Variants in PREP observed in about 807,000 individuals in gnomAD.
The protein encoded by PREP is dJ355L5.1 (prolyl endopeptidase).
A neutral mutation model predicts 87.6 loss-of-function variants in PREP; 29 were observed. The observed-to-expected ratio is 0.33, with a 90% CI of 0.25 to 0.45. The LOEUF (loss-of-function observed/expected upper bound fraction) is 0.45, where lower values mean the gene tolerates loss of function less well. Ranked by LOEUF, PREP falls within the 20% of genes least tolerant of loss-of-function variation. PREP has a pLI of 1.00. For synonymous variants in PREP, 337 were observed against 328.6 expected (o/e 1.03, Z -0.28); for missense variants, 695 against 886.5 (o/e 0.78, Z 2.74).
chr6:105,340,837 T>C (rs966023118), intron 7 of PREP, among the ~76,000 whole-genome samples: 2 of 152,274 alleles, frequency 1.3e-5, no homozygotes, highest in African/African-American at 2.4e-5. Flanking sequence ...CAAGAAGAGC[T>C]AACTATCCTA....
chr6:105,349,523 G>A (rs1350953587), intron 7 of PREP, among the ~76,000 whole-genome samples: 1 of 152,120 alleles, frequency 6.6e-6, no homozygotes, highest in African/African-American at 2.4e-5. Flanking sequence ...CACGTGGGCA[G>A]GTTTTCTTGG....
At chr6:105,352,225 G>A (rs908292063) in intron 7 of PREP, among the ~76,000 whole-genome samples, 1 of 152,176 alleles carries the variant, frequency 6.6e-6, no homozygotes, top group Non-Finnish European at 1.5e-5. Flanking sequence ...ATGTCTGATA[G>A]GATTTCTGGG....
intron 14 of PREP, chr6:105,281,522 C>T: frequency 2.2e-6 from 1 of 464,116 alleles, no homozygotes; most frequent in Non-Finnish European, 3.8e-6. Context: ...TCTTGGGAGG[C>T]CATCTGTAGA....
intron 8 of PREP, among the ~76,000 whole-genome samples, chr6:105,330,880 A>G (rs1170831439): frequency 1.3e-5 from 2 of 152,220 alleles, no homozygotes; most frequent in Non-Finnish European, 2.9e-5. Context: ...TCATACAGCC[A>G]AAAGTAATTT....
At chr6:105,384,042 A>C (rs935829424) in intron 2 of PREP, among the ~76,000 whole-genome samples, 2 of 152,196 alleles carry the variant, frequency 1.3e-5, no homozygotes, top group African/African-American at 4.8e-5. Flanking sequence ...TCACACATTA[A>C]GTTTCATGGG....
chr6:105,365,118 G>A (rs1329637658), intron 6 of PREP, among the ~76,000 whole-genome samples: 1 of 152,128 alleles, frequency 6.6e-6, no homozygotes, highest in Non-Finnish European at 1.5e-5. Context: ...ATGGTGGCAT[G>A]AGCCTGTAAT....
At chr6:105,313,847 G>T (rs2114636774) in intron 10 of PREP, among the ~76,000 whole-genome samples, 1 of 152,364 alleles carries the variant, frequency 6.6e-6, no homozygotes, top group South Asian at 2.1e-4. Context: ...CCAGAGATAA[G>T]ATGACAAAAG....
intron 7 of PREP, among the ~76,000 whole-genome samples, chr6:105,344,178 A>G (rs1771738290): frequency 6.6e-6 from 1 of 152,224 alleles, no homozygotes. Flanking sequence ...ACACCATGGA[A>G]CACTATGCAG....
At chr6:105,400,007 T>C (rs1432392793) in intron 1 of PREP, among the ~76,000 whole-genome samples, 1 of 152,212 alleles carries the variant, frequency 6.6e-6, no homozygotes, top group East Asian at 1.9e-4. Context: ...GGCACCATCA[T>C]CTACAGCAGA....
chr6:105,370,644 A>C (rs939084446), intron 5 of PREP, among the ~76,000 whole-genome samples: 1 of 152,196 alleles, frequency 6.6e-6, no homozygotes, highest in African/African-American at 2.4e-5. Context: ...CAGTAGGTGA[A>C]TGGATACACT....
At chr6:105,287,055 T>C (rs1419409603) in intron 11 of PREP, among the ~76,000 whole-genome samples, 1 of 151,890 alleles carries the variant, frequency 6.6e-6, no homozygotes, top group African/African-American at 2.4e-5. Context: ...CTTTGAGTGA[T>C]ATAAGGATTA....
rs185739485 is a variant in PREP, at chr6:105,392,796, C to G, written c.120+5057G>C. Among the ~76,000 whole-genome samples, 285 of 152,232 alleles carry G rather than the reference C, an allele frequency of 1.9e-3. 2 individuals carry two copies. The highest frequency in any genetic ancestry group is 6.6e-3 in the African/African-American group (276 of 41,556). ...TTTGTCATGTTGGCTAGGCTGGCCT[C>G]GAACTCCTGACCTCAGGTGATCCAC... On this transcript the variant is annotated intron_variant, in intron 2 of 14. Transcript: ENST00000652536.
In PREP at chr6:105,364,298, G is replaced by A. The variant is rs138279142; in HGVS notation, c.717+4605C>T. On this transcript the variant is annotated intron_variant, in intron 6 of 14. Transcript: ENST00000652536. ...TCCCGGGAAGACACGCTGTCACAGC[G>A]TGACGGAGGGCAACAGTGGGGAAAC... 4.6e-5 allele frequency among the ~76,000 whole-genome samples: 7 copies of A among 152,340 alleles called. No homozygotes were observed. The East Asian group carries it at 9.7e-4, about 21-fold the overall frequency.
chr6:105,330,904 T>C (rs1562202868), intron 8 of PREP, among the ~76,000 whole-genome samples: 1 of 152,218 alleles, frequency 6.6e-6, no homozygotes, highest in Non-Finnish European at 1.5e-5. Flanking sequence ...CATTCTCCAA[T>C]GCACTTTCTT....
chr6:105,282,912 C>T (rs777460807), intron 12 of PREP, among the ~76,000 whole-genome samples: 1 of 152,200 alleles, frequency 6.6e-6, no homozygotes, highest in South Asian at 2.1e-4. Flanking sequence ...CACAAGGAAC[C>T]TGTATTTTGG....
At chr6:105,309,779 C>T (rs1424485025) in intron 10 of PREP, among the ~76,000 whole-genome samples, 2 of 152,144 alleles carry the variant, frequency 1.3e-5, no homozygotes, top group African/African-American at 2.4e-5. Context: ...CTTTGAAGGC[C>T]AATCCTTCTT....
intron 2 of PREP, among the ~76,000 whole-genome samples, chr6:105,394,873 G>T (rs1773249434): frequency 1.3e-5 from 2 of 152,230 alleles, no homozygotes; most frequent in South Asian, 4.1e-4. Flanking sequence ...GAATGGAGAA[G>T]AGATTTCAAG....
At chr6:105,332,108 G>A (rs1011027963) in intron 8 of PREP, among the ~76,000 whole-genome samples, 1 of 152,144 alleles carries the variant, frequency 6.6e-6, no homozygotes, top group Non-Finnish European at 1.5e-5. Flanking sequence ...GCCTACAGGG[G>A]TGTGGAGATC....
chr6:105,319,603 G>GATT (rs1770952585), intron 10 of PREP, among the ~76,000 whole-genome samples: 1 of 152,186 alleles, frequency 6.6e-6, no homozygotes, highest in Non-Finnish European at 1.5e-5. Context: ...CTGAGAGTAG[G>GATT]ATTATTATTT....
Sources: allele counts gnomAD v4.1 joint callset (sites outside exome capture counted in the v4.1 genomes callset), GRCh38; gene constraint gnomAD v4.1.1; transcripts MANE v1.5; gene names NCBI Gene and HGNC (gene_info 2026-07-23, HGNC 2026-07-21).